Variants in STAB2 observed in about 807,000 individuals in gnomAD.
STAB2 encodes the protein stabilin 2, also known as stabilin-2.
A neutral mutation model predicts 338.1 loss-of-function variants in STAB2; 288 were observed. The observed-to-expected ratio is 0.85, with a 90% CI of 0.77 to 0.94. The LOEUF (loss-of-function observed/expected upper bound fraction) is 0.94. STAB2 is among the 40% of genes least tolerant of loss of function. STAB2 has a pLI of 0.00. For synonymous variants in STAB2, 1,202 were observed against 1,193.3 expected (o/e 1.01, Z -0.15); for missense variants, 3,141 against 3,210.1 (o/e 0.98, Z 0.52).
Position 103,720,676 on chromosome 12 carries a change from T to C in STAB2, c.4683+2835T>C, listed in dbSNP as rs1452260983. On this transcript the variant is annotated intron_variant, in intron 44 of 68. Transcript: ENST00000388887. ...TCCTACCAACAAGGACTGTGAAACATTGCCTTTCCTGAGTTAGTCCCCAGT... is the reference window on the plus strand; with the variant it reads ...TCCTACCAACAAGGACTGTGAAACACTGCCTTTCCTGAGTTAGTCCCCAGT... Among the ~76,000 whole-genome samples the C allele has an allele frequency of 3.3e-5, 5 of 152,202 alleles. No homozygotes were observed. In the East Asian group the frequency reaches 9.6e-4, roughly 29 times the overall value.
chr12:103,682,789 A>C (rs1877039343), intron 25 of STAB2, among the ~76,000 whole-genome samples: 1 of 152,118 alleles, frequency 6.6e-6, no homozygotes, highest in African/African-American at 2.4e-5. Flanking sequence ...CTGTACTAAA[A>C]ATACAAAAAT....
rs746695882 is a variant in STAB2 at position 103,728,959 on chromosome 12, C to T, written c.5046C>T (p.Ser1682=). Reference sequence around the variant, plus strand: ...TGAAATTGATCTCAAATGCTACTTCCCTCCAAGGAGAGCCAATAGTCATCT... The same window carrying T: ...TGAAATTGATCTCAAATGCTACTTCTCTCCAAGGAGAGCCAATAGTCATCT... ...ENLKLISNAT[S]LQGEPIVISV... The change falls in exon 48 of 69, where the codon TCC becomes TCT. Residue 1682 remains serine (S), a synonymous_variant. Transcript: ENST00000388887. The T allele has an allele frequency of 6.2e-6, 10 of 1,613,828 alleles. No individual in the cohort carries two copies. In the East Asian group the frequency reaches 2.2e-4, roughly 36 times the overall value.
Position 103,746,633 on chromosome 12 carries a change from A to C in STAB2, c.6173A>C (p.His2058Pro), listed in dbSNP as rs763567690. 16 of 1,614,026 alleles carry C rather than the reference A, an allele frequency of 9.9e-6. No homozygotes were observed. Among genetic ancestry groups the C allele is most frequent in the Non-Finnish European group, 1.4e-5 (16 of 1,179,978 alleles). Residue 2058 changes from histidine (H) to proline (P), a missense_variant, in exon 58 of 69, where the codon CAT (histidine) becomes CCT (proline). His to Pro is a moderately conservative substitution (Grantham distance 77). Transcript: ENST00000388887. ...PAVCTPPCSA[H>P]ATCKENNTCE... Reference sequence around the variant, plus strand: ...GTGTGTACGCCTCCTTGTTCTGCTCATGCCACCTGTAAGGAGAACAACACG... The same window carrying C: ...GTGTGTACGCCTCCTTGTTCTGCTCCTGCCACCTGTAAGGAGAACAACACG...
chr12:103,736,926 A>T (rs537251477), intron 52 of STAB2, among the ~76,000 whole-genome samples: 4 of 152,350 alleles, frequency 2.6e-5, no homozygotes, highest in Admixed American at 1.3e-4. Context: ...GGGTGACCTC[A>T]GGAAAGGAAG....
At chr12:103,759,033 T>C in intron 64 of STAB2, 100 bp from the exon 65 acceptor site, 1 of 1,593,550 alleles carries the variant, frequency 6.3e-7, no homozygotes, top group Non-Finnish European at 8.6e-7. Context: ...CAGGAAAGCC[T>C]AGGCCATGAG....
chr12:103,766,229 T>G, intron 68 of STAB2, 57 bp from the exon 69 acceptor site: 1 of 1,609,676 alleles, frequency 6.2e-7, no homozygotes, highest in Non-Finnish European at 8.5e-7. Context: ...CCAGAAAGAT[T>G]CAACTAGGAC....
chr12:103,683,283 G>T lies in STAB2; in HGVS notation c.2884G>T (p.Gly962Trp). Residue 962 changes from glycine to tryptophan, a missense_variant, in exon 26 of 69, where the codon GGG becomes TGG. By Grantham distance (184) the Gly-to-Trp change is radical (BLOSUM62 -2). Transcript: ENST00000388887. ...EPITSCLEQT[G>W]KCHPLASCQS... Reference sequence around the variant, plus strand: ...AATAACTTCATGCTTGGAACAAACCGGGAAATGTCATCCATTGGTGAGTTA... The same window carrying T: ...AATAACTTCATGCTTGGAACAAACCTGGAAATGTCATCCATTGGTGAGTTA... 1 of 1,608,498 alleles carries T rather than the reference G, an allele frequency of 6.2e-7. No individual in the cohort carries two copies. The highest frequency in any genetic ancestry group is 8.5e-7 in the Non-Finnish European group (1 of 1,177,462).
chr12:103,593,459 T>C (rs956583028), intron 2 of STAB2, among the ~76,000 whole-genome samples: 27 of 152,226 alleles, frequency 1.8e-4, no homozygotes, highest in African/African-American at 6.0e-4. Flanking sequence ...TATTGGCCAC[T>C]TGTATTCTTT....
At chr12:103,661,833 G>C (rs1874647037) in intron 17 of STAB2, among the ~76,000 whole-genome samples, 1 of 152,202 alleles carries the variant, frequency 6.6e-6, no homozygotes, top group African/African-American at 2.4e-5. Flanking sequence ...AGTGTGGCTA[G>C]AGCAGAGAGA....
chr12:103,636,146 A>C (rs1287132871), intron 6 of STAB2, among the ~76,000 whole-genome samples: 1 of 151,518 alleles, frequency 6.6e-6, no homozygotes, highest in East Asian at 2.0e-4. Context: ...TGCTGCACCC[A>C]TTAACTCGTC....
At chr12:103,736,493 G>A (rs1348469096) in intron 52 of STAB2, among the ~76,000 whole-genome samples, 3 of 152,022 alleles carry the variant, frequency 2.0e-5, no homozygotes, top group African/African-American at 7.2e-5. Flanking sequence ...CCAGCTTCTG[G>A]TACGTTATCC....
chr12:103,592,109 G>A (rs994927196), intron 2 of STAB2: 4 of 152,132 alleles, frequency 2.6e-5, no homozygotes, highest in South Asian at 2.1e-4. Context: ...CAAGCAGTGG[G>A]TATCATCAGA....
At chr12:103,666,414 T>G in intron 19 of STAB2, 61 bp downstream of exon 19, 1 of 1,538,756 alleles carries the variant, frequency 6.5e-7, no homozygotes, top group African/African-American at 1.4e-5. Context: ...GTGTGGTTTC[T>G]CAACCTATCT....
At chr12:103,625,816 CAT>C (rs1279089054) in intron 5 of STAB2, among the ~76,000 whole-genome samples, 4 of 152,320 alleles carry the variant, frequency 2.6e-5, no homozygotes, top group East Asian at 1.9e-4. Context: ...CCGCAATAAA[CAT>C]GTGTGTGCAT....
intron 23 of STAB2, 29 bp downstream of exon 23, chr12:103,674,116 G>T: frequency 6.3e-7 from 1 of 1,595,368 alleles, no homozygotes; most frequent in South Asian, 1.1e-5. Flanking sequence ...GGCCCTTAAT[G>T]ACGCTGAGTC....
intron 15 of STAB2, chr12:103,657,873 G>C (rs1385486918): frequency 6.6e-6 from 1 of 152,174 alleles, no homozygotes; most frequent in Non-Finnish European, 1.5e-5. Context: ...AAGAGTGCAG[G>C]AAATTCCCCA....
intron 3 of STAB2, among the ~76,000 whole-genome samples, chr12:103,614,962 C>T (rs1340477126): frequency 6.6e-6 from 1 of 152,222 alleles, no homozygotes; most frequent in African/African-American, 2.4e-5. Flanking sequence ...AAAATTGTAG[C>T]AGGTTCTTAT....
chr12:103,732,307 TCAAAAA>T (rs1881696401), intron 50 of STAB2, among the ~76,000 whole-genome samples: 1 of 151,990 alleles, frequency 6.6e-6, no homozygotes, highest in South Asian at 2.1e-4. Flanking sequence ...AGACTCCATC[TCAAAAA>T]CAAAAAAGAC....
At chr12:103,707,811 T>G (rs1275771163) in intron 38 of STAB2, among the ~76,000 whole-genome samples, 1 of 152,238 alleles carries the variant, frequency 6.6e-6, no homozygotes, top group Non-Finnish European at 1.5e-5. Context: ...TCATTATAAT[T>G]GGGCCATATA....
Sources: allele counts gnomAD v4.1 joint callset (sites outside exome capture counted in the v4.1 genomes callset), GRCh38; gene constraint gnomAD v4.1.1; transcripts MANE v1.5; gene names NCBI Gene and HGNC (gene_info 2026-07-23, HGNC 2026-07-21).